GPHN: variants seen among roughly 807,000 people sequenced by gnomAD.
GPHN encodes the protein gephyrin.
Under a neutral mutation model 95.5 loss-of-function variants are expected in GPHN, and 17 were observed. The observed-to-expected ratio is 0.18, with a 90% confidence interval of 0.12 to 0.27. GPHN has a LOEUF of 0.27. Ranked by LOEUF, GPHN falls within the 10% of genes least tolerant of loss-of-function variation. The probability of loss-of-function intolerance (pLI) is 1.00; values close to 1 mark genes in which losing one functional copy is unlikely to be tolerated. For missense variants in GPHN, 660 were observed against 978.1 expected (o/e 0.67, Z 4.34); for synonymous variants, 320 against 322.5 (o/e 0.99, Z 0.08).
chr14:67,374,414 A>G, the GPHN span: 5 of 1,145,808 alleles, frequency 4.4e-6, no homozygotes, highest in Admixed American at 1.0e-4. Context: ...AGCTGGTTAC[A>G]ATAGTACAGT....
intron 11 of GPHN, among the ~76,000 whole-genome samples, chr14:67,087,894 T>G (rs2153667572): frequency 6.6e-6 from 1 of 152,308 alleles, no homozygotes; most frequent in South Asian, 2.1e-4. Context: ...CTCATTTATT[T>G]TTGCTTTCCT....
the GPHN span, among the ~76,000 whole-genome samples, chr14:67,508,426 G>T: frequency 6.6e-6 from 1 of 152,072 alleles, no homozygotes; most frequent in Non-Finnish European, 1.5e-5. Context: ...CAAAAAACTT[G>T]CATCACACGC....
intron 8 of GPHN, among the ~76,000 whole-genome samples, chr14:66,952,042 A>T (rs1387610174): frequency 2.6e-5 from 4 of 152,234 alleles, no homozygotes; most frequent in Non-Finnish European, 5.9e-5. Context: ...AATTCACATA[A>T]CATAAAATTC....
intron 1 of GPHN, among the ~76,000 whole-genome samples, chr14:66,653,668 A>G (rs573711824): frequency 1.3e-5 from 2 of 152,342 alleles, no homozygotes; most frequent in East Asian, 1.9e-4. Context: ...AGAAACTTAT[A>G]TAAGTGGAAT....
chr14:67,182,911 T>G (rs1264338858), downstream of GPHN, among the ~76,000 whole-genome samples: 1 of 142,866 alleles, frequency 7.0e-6, no homozygotes, highest in African/African-American at 2.6e-5. Flanking sequence ...AGTAGCATGG[T>G]CCTAGTGCAC....
At chr14:66,929,703 C>CT (rs748817797) in intron 8 of GPHN, among the ~76,000 whole-genome samples, 36 of 143,028 alleles carry the variant, frequency 2.5e-4, no homozygotes, top group Non-Finnish European at 2.3e-4. Flanking sequence ...TCTGTGTGTG[C>CT]TTTTTTTTTT....
intron 11 of GPHN, among the ~76,000 whole-genome samples, chr14:67,081,317 G>A (rs2076684997): frequency 1.3e-5 from 2 of 152,064 alleles, no homozygotes; most frequent in African/African-American, 2.4e-5. Context: ...CAAGAGTAAG[G>A]TGGTATCACA....
chr14:67,665,283 C>G, the GPHN span, among the ~76,000 whole-genome samples: 1 of 123,232 alleles, frequency 8.1e-6, no homozygotes, highest in Non-Finnish European at 1.7e-5. Flanking sequence ...TTTTTTGAGA[C>G]AGTCTCACTC....
chr14:67,480,930 T>C, the GPHN span, among the ~76,000 whole-genome samples: 1 of 152,024 alleles, frequency 6.6e-6, no homozygotes, highest in Non-Finnish European at 1.5e-5. Flanking sequence ...CCAAAACCCT[T>C]GGAGCAGAAG....
the GPHN span, chr14:67,334,377 A>G: frequency 3.9e-5 from 6 of 152,632 alleles, no homozygotes; most frequent in African/African-American, 1.4e-4. Context: ...AACAACCTCA[A>G]ATGTGAATGC....
At chr14:66,598,106 T>G (rs894602724) in intron 1 of GPHN, among the ~76,000 whole-genome samples, 4 of 152,128 alleles carry the variant, frequency 2.6e-5, no homozygotes, top group African/African-American at 9.7e-5. Context: ...CAGTGAAATG[T>G]TGATTATCAG....
In GPHN at chr14:66,714,019, T is replaced by C. The variant is rs563914377; in HGVS notation, c.143+32834T>C. On this transcript the variant is annotated intron_variant, in intron 2 of 22. Transcript: ENST00000478722. ...CCTCACCTCAAGTGATCTGCCCGCCTTGGCCTCCCAAAGTGCTGGGATTAC... is the reference window on the plus strand; with the variant it reads ...CCTCACCTCAAGTGATCTGCCCGCCCTGGCCTCCCAAAGTGCTGGGATTAC... 1.9e-4 allele frequency among the ~76,000 whole-genome samples: 29 copies of C among 152,290 alleles called. No individual in the cohort carries two copies. In the South Asian group the frequency reaches 6.0e-3, roughly 32 times the overall value.
At chr14:67,586,145 G>A in the GPHN span, 1 of 1,601,464 alleles carries the variant, frequency 6.2e-7, no homozygotes, top group Non-Finnish European at 8.5e-7. Flanking sequence ...AGATGTGGTG[G>A]GCTTGGAGCT....
chr14:67,460,177 A>G, the GPHN span, among the ~76,000 whole-genome samples: 1 of 152,096 alleles, frequency 6.6e-6, no homozygotes, highest in African/African-American at 2.4e-5. Context: ...TTTTTTGTAA[A>G]GTTCATTCAG....
chr14:67,564,704 TGAGACA>T, the GPHN span, among the ~76,000 whole-genome samples: 1 of 150,326 alleles, frequency 6.7e-6, no homozygotes, highest in South Asian at 2.1e-4. Flanking sequence ...TTTTTTTTTT[TGAGACA>T]GAGTCTTGCT....
At chr14:66,735,405 A>G (rs1382263895) in intron 2 of GPHN, among the ~76,000 whole-genome samples, 1 of 152,218 alleles carries the variant, frequency 6.6e-6, no homozygotes, top group African/African-American at 2.4e-5. Context: ...AGTATCCAAT[A>G]TGATTCAAAG....
At chr14:67,390,027 C>A in the GPHN span, among the ~76,000 whole-genome samples, 4 of 152,108 alleles carry the variant, frequency 2.6e-5, no homozygotes, top group African/African-American at 9.7e-5. Flanking sequence ...TTCACTGTTT[C>A]AACAAAAACT....
intron 2 of GPHN, among the ~76,000 whole-genome samples, chr14:66,689,545 C>G (rs1356721759): frequency 1.3e-5 from 2 of 152,142 alleles, no homozygotes; most frequent in African/African-American, 4.8e-5. Flanking sequence ...GTTTTAGTAT[C>G]AGGGTAATGC....
the GPHN span, chr14:67,363,956 T>G: frequency 6.6e-6 from 1 of 152,210 alleles, no homozygotes; most frequent in Non-Finnish European, 1.5e-5. Flanking sequence ...TTCAGGCTTG[T>G]GGATCATAAA....
Sources: allele counts gnomAD v4.1 joint callset (sites outside exome capture counted in the v4.1 genomes callset), GRCh38; gene constraint gnomAD v4.1.1; transcripts MANE v1.5; gene names NCBI Gene and HGNC (gene_info 2026-07-23, HGNC 2026-07-21).